ITGB3BP: variants seen among roughly 807,000 people sequenced by gnomAD.
The protein encoded by ITGB3BP is integrin subunit beta 3 binding protein.
A neutral mutation model predicts 29.1 loss-of-function variants in ITGB3BP; 27 were observed. That is an observed-to-expected ratio of 0.93 (90% CI 0.68 to 1.28). The LOEUF is 1.28. Among genes scored for constraint, ITGB3BP ranks in the 50% most tolerant of loss-of-function variants. The pLI is 0.00. For missense variants in ITGB3BP, 192 were observed against 200.2 expected, an observed-to-expected ratio of 0.96 and a Z score of 0.25; for synonymous variants, 61 against 61.4, an observed-to-expected ratio of 0.99 and a Z score of 0.03.
chr1:63,478,903 G>C, intron 3 of ITGB3BP, 70 bp from the exon 4 acceptor site: 1 of 553,516 alleles, frequency 1.8e-6, no homozygotes, highest in Non-Finnish European at 3.0e-6. Flanking sequence ...ATAGAATTTA[G>C]TTTGTCAAAT....
At chr1:63,497,000 A>C (rs1191868339) in intron 2 of ITGB3BP, among the ~76,000 whole-genome samples, 2 of 152,190 alleles carry the variant, frequency 1.3e-5, no homozygotes, top group East Asian at 3.9e-4. Context: ...TCCTTCACTG[A>C]GATTAAACTA....
At chr1:63,467,495 C>T (rs1645118006) in intron 4 of ITGB3BP, among the ~76,000 whole-genome samples, 1 of 150,434 alleles carries the variant, frequency 6.6e-6, no homozygotes, top group African/African-American at 2.5e-5. Context: ...ACTACAGGCA[C>T]ACCACCACAT....
intron 3 of ITGB3BP, among the ~76,000 whole-genome samples, chr1:63,481,673 T>C (rs1280082311): frequency 6.6e-6 from 1 of 152,248 alleles, no homozygotes. Flanking sequence ...CAGGGAGCTC[T>C]TTCCCTAACA....
chr1:63,499,158 T>G (rs1467127552), intron 2 of ITGB3BP, among the ~76,000 whole-genome samples: 140 of 8,498 alleles, frequency 0.016, no homozygotes, highest in Non-Finnish European at 0.059. Flanking sequence ...CCACTAGCGT[T>G]TTTTTTTTTT....
At chr1:63,509,595 G>GA (rs1168425698) in intron 1 of ITGB3BP, among the ~76,000 whole-genome samples, 1 of 152,078 alleles carries the variant, frequency 6.6e-6, no homozygotes, top group South Asian at 2.1e-4. Context: ...GTCAATCTAA[G>GA]AAAATCATTG....
chr1:63,500,909 A>G (rs1379836185), intron 2 of ITGB3BP, among the ~76,000 whole-genome samples: 3 of 152,240 alleles, frequency 2.0e-5, no homozygotes, highest in Non-Finnish European at 4.4e-5. Flanking sequence ...TTTTAATCTT[A>G]GAAACTTACA....
At chr1:63,462,003 G>C (rs1645025792) in intron 4 of ITGB3BP, among the ~76,000 whole-genome samples, 1 of 152,180 alleles carries the variant, frequency 6.6e-6, no homozygotes, top group South Asian at 2.1e-4. Flanking sequence ...TGCAAAAAGT[G>C]CTGTTTAATC....
intron 4 of ITGB3BP, among the ~76,000 whole-genome samples, chr1:63,477,517 A>G (rs6588036): frequency 0.98 from 148,760 of 152,236 alleles, 72,786 homozygotes; most frequent in Middle Eastern, 1. Flanking sequence ...CCAGGGGTTC[A>G]ATACTAGCCT....
intron 4 of ITGB3BP, among the ~76,000 whole-genome samples, chr1:63,460,937 T>C (rs1173652299): frequency 6.6e-6 from 1 of 152,032 alleles, no homozygotes; most frequent in Non-Finnish European, 1.5e-5. Flanking sequence ...ATATAAGTTC[T>C]TTCAAGAAAT....
intron 4 of ITGB3BP, among the ~76,000 whole-genome samples, chr1:63,476,557 C>T (rs1645344374): frequency 6.6e-6 from 1 of 152,218 alleles, no homozygotes; most frequent in African/African-American, 2.4e-5. Context: ...TCTTCCCTTG[C>T]TCCTTGAAGC....
chr1:63,456,007 T>G (rs1644931157), intron 4 of ITGB3BP, among the ~76,000 whole-genome samples: 1 of 152,152 alleles, frequency 6.6e-6, no homozygotes, highest in South Asian at 2.1e-4. Context: ...TAACAGCACA[T>G]CTCATTTCAT....
At chr1:63,473,347 G>A (rs550895435) in intron 4 of ITGB3BP, among the ~76,000 whole-genome samples, 1,576 of 147,752 alleles carry the variant, frequency 0.011, 27 homozygotes, top group African/African-American at 0.035. Flanking sequence ...GGGAGGTGGC[G>A]GGGGGTCAGC....
chr1:63,457,514 A>C (rs534397217), intron 4 of ITGB3BP: 1 of 152,156 alleles, frequency 6.6e-6, no homozygotes, highest in African/African-American at 2.4e-5. Flanking sequence ...ATGTTCCTTT[A>C]CTAATTTGTT....
chr1:63,470,449 G>A (rs1224537457), intron 4 of ITGB3BP, among the ~76,000 whole-genome samples: 1 of 152,162 alleles, frequency 6.6e-6, no homozygotes, highest in Non-Finnish European at 1.5e-5. Flanking sequence ...CAGAAACTAA[G>A]AATAACTACT....
intron 4 of ITGB3BP, among the ~76,000 whole-genome samples, chr1:63,468,964 T>C (rs573450225): frequency 2.0e-3 from 299 of 152,012 alleles, no homozygotes; most frequent in African/African-American, 6.9e-3. Context: ...GGCAGGAGGA[T>C]TGCTTGAACC....
At chr1:63,528,963 C>CAA (rs144879638) in intron 2 of ITGB3BP, among the ~76,000 whole-genome samples, 9 of 148,896 alleles carry the variant, frequency 6.0e-5, no homozygotes, top group Non-Finnish European at 8.9e-5. Context: ...ATTTTAGAGG[C>CAA]AAAAAAAAAA....
rs1406565343 is a variant in ITGB3BP at position 63,449,405 on chromosome 1, A to G, written c.485-2549T>C. On this transcript the variant is annotated intron_variant, in intron 7 of 8. Coordinates refer to ENST00000271002, the MANE Select transcript of ITGB3BP (RefSeq NM_014288.5). ...TTTTATTTGAAAGAAAAATTATCATACTTCTGTTAAAGTATAAAAAATTTA... is the reference window on the plus strand; with the variant it reads ...TTTTATTTGAAAGAAAAATTATCATGCTTCTGTTAAAGTATAAAAAATTTA... 3 of 152,280 alleles carry G rather than the reference A, an allele frequency of 2.0e-5. No homozygotes were observed. In the East Asian group the frequency reaches 5.8e-4, roughly 29 times the overall value. The allele number at this position is 152,280 out of a possible 1,614,324, so 9.4% of individuals were successfully genotyped here.
At chr1:63,504,754 A>T (rs1345832522) in intron 2 of ITGB3BP, among the ~76,000 whole-genome samples, 1 of 152,116 alleles carries the variant, frequency 6.6e-6, no homozygotes, top group African/African-American at 2.4e-5. Context: ...CCTTTTCCAC[A>T]TCTATTGAGA....
At chr1:63,479,009 TACTC>T (rs1232627392) in intron 3 of ITGB3BP, among the ~76,000 whole-genome samples, 176 bp from the exon 4 acceptor site, 2 of 152,136 alleles carry the variant, frequency 1.3e-5, no homozygotes, top group East Asian at 1.9e-4. Flanking sequence ...CCTAATTTCT[TACTC>T]ACAATACCAT....
Sources: allele counts gnomAD v4.1 joint callset (sites outside exome capture counted in the v4.1 genomes callset), GRCh38; gene constraint gnomAD v4.1.1; transcripts MANE v1.5; gene names NCBI Gene and HGNC (gene_info 2026-07-23, HGNC 2026-07-21).